Variants in KCNT2 observed in about 807,000 individuals in gnomAD.
The protein encoded by KCNT2 is potassium sodium-activated channel subfamily T member 2.
KCNT2 carries 67 observed loss-of-function variants against 153.8 expected under a neutral mutation model. The observed-to-expected ratio is 0.44, with a 90% CI of 0.36 to 0.53. KCNT2 has a LOEUF of 0.53. Ranked by LOEUF, KCNT2 falls within the 20% of genes least tolerant of loss-of-function variation. The pLI, the probability that KCNT2 is intolerant of heterozygous loss-of-function variation, is 0.00. For synonymous variants in KCNT2, 500 were observed against 458.8 expected (o/e 1.09, Z -1.15); for missense variants, 975 against 1,354.8 (o/e 0.72, Z 4.40).
chr1:196,347,346 A>G lies in KCNT2; in HGVS notation c.1404-5118T>C, dbSNP rs956122053. On this transcript the variant is annotated intron_variant, in intron 14 of 27. Transcript: ENST00000294725. ...AGACTTAATTCAAGACTGATTTTGA[A>G]TGAGGGAGAAATAATTACATAAATA... 7.9e-5 allele frequency among the ~76,000 whole-genome samples: 12 copies of G among 152,168 alleles called. No individual in the cohort carries two copies. In the South Asian group the frequency reaches 2.5e-3, roughly 31 times the overall value.
chr1:196,526,753 T>C (rs6428343), intron 1 of KCNT2, among the ~76,000 whole-genome samples: 149,674 of 152,246 alleles, frequency 0.98, 73,617 homozygotes, highest in Middle Eastern at 1. Context: ...GCCCGGCCAC[T>C]ATGTAGTTTT....
At chr1:196,244,551 G>A (rs920715094) in intron 26 of KCNT2, among the ~76,000 whole-genome samples, 14 of 152,198 alleles carry the variant, frequency 9.2e-5, no homozygotes, top group Middle Eastern at 6.8e-3. Flanking sequence ...GAACATTGAC[G>A]GTAGCCAGGT....
At chr1:196,291,855 C>T (rs1259577298) in intron 22 of KCNT2, among the ~76,000 whole-genome samples, 3 of 152,110 alleles carry the variant, frequency 2.0e-5, no homozygotes, top group Non-Finnish European at 4.4e-5. Context: ...ATTTACATTC[C>T]TTACTTCCAT....
At chr1:196,403,737 A>G (rs1048751957) in intron 12 of KCNT2, among the ~76,000 whole-genome samples, 6 of 151,628 alleles carry the variant, frequency 4.0e-5, no homozygotes, top group Admixed American at 2.0e-4. Flanking sequence ...AACAATAACA[A>G]CAAAAAGTCT....
chr1:196,284,541 C>T (rs1305625126), intron 23 of KCNT2, among the ~76,000 whole-genome samples: 2 of 151,624 alleles, frequency 1.3e-5, no homozygotes, highest in Non-Finnish European at 2.9e-5. Context: ...CATTTGGCTC[C>T]TATTGATATA....
chr1:196,593,624 C>T (rs771078400), intron 1 of KCNT2, among the ~76,000 whole-genome samples: 24 of 151,766 alleles, frequency 1.6e-4, no homozygotes, highest in Non-Finnish European at 2.4e-4. Context: ...GATTATTACA[C>T]GTTGCATGCC....
rs1211007544 is a variant in KCNT2 at position 196,341,609 on chromosome 1, G to T, written c.1553+470C>A. Among the ~76,000 whole-genome samples, 5 of 149,400 alleles carry T rather than the reference G, an allele frequency of 3.3e-5. No individual in the cohort carries two copies. In the East Asian group the frequency reaches 9.8e-4, roughly 29 times the overall value. On this transcript the variant is annotated intron_variant, in intron 15 of 27. Transcript: ENST00000294725. ...AGTAAATCCTTTTTTTTTCCAAAAA[G>T]GAAAAGAAAAAAAAAGTTCTATGTT...
chr1:196,340,444 A>C lies in KCNT2; in HGVS notation c.1680T>G (p.Asn560Lys), dbSNP rs1665507288. 8 of 1,612,556 alleles carry C rather than the reference A, an allele frequency of 5.0e-6. No homozygotes were observed. Among genetic ancestry groups the C allele is most frequent in the Non-Finnish European group, 6.8e-6 (8 of 1,179,010 alleles). The change falls in exon 16 of 28, where the codon AAT (asparagine) becomes AAG (lysine). Residue 560 changes from asparagine (N) to lysine (K), a missense_variant. Physicochemically the swap from Asn to Lys is moderately conservative, Grantham distance 94 (BLOSUM62 0). Transcript: ENST00000294725. The part of the protein sequence containing the change: ...CFYINITKEE[N>K]SAFKNQDQQR... ...GCTGGTCTTGGTTTTTAAATGCTGA[A>C]TTCTCTTCTTTGGTAATATTAATAT... is the stretch of plus-strand genomic sequence containing the variant.
chr1:196,495,229 C>A (rs181524310), intron 1 of KCNT2, among the ~76,000 whole-genome samples: 8 of 151,586 alleles, frequency 5.3e-5, no homozygotes, highest in Admixed American at 2.0e-4. Flanking sequence ...AGAAAATGTC[C>A]TTTAGGCTTA....
chr1:196,493,493 C>A (rs1680016511), intron 1 of KCNT2, among the ~76,000 whole-genome samples: 1 of 151,862 alleles, frequency 6.6e-6, no homozygotes, highest in African/African-American at 2.4e-5. Flanking sequence ...CCTGTTTATT[C>A]AAGGAAAACC....
At chr1:196,603,458 C>A (rs527831811) in intron 1 of KCNT2, among the ~76,000 whole-genome samples, 1 of 152,128 alleles carries the variant, frequency 6.6e-6, no homozygotes, top group South Asian at 2.1e-4. Flanking sequence ...CAATACAAAA[C>A]CCATTCTCAC....
chr1:196,397,547 C>G (rs923946273), intron 13 of KCNT2, among the ~76,000 whole-genome samples: 2 of 151,302 alleles, frequency 1.3e-5, no homozygotes, highest in African/African-American at 4.8e-5. Context: ...GAAATTCTTC[C>G]AAAAACATAC....
At chr1:196,532,489 A>C (rs1350530039) in intron 1 of KCNT2, among the ~76,000 whole-genome samples, 1 of 151,998 alleles carries the variant, frequency 6.6e-6, no homozygotes, top group African/African-American at 2.4e-5. Context: ...CTATATAAAC[A>C]AGAGAAAAGT....
rs572581793 is a variant in KCNT2, at chr1:196,560,322, A to G, written c.95+47893T>C. ...CACTCAAACAATGTGGTATTAAAGA[A>G]ATTAAAATGATTTTGGTGTTGTAAG... is the stretch of plus-strand genomic sequence containing the variant. On this transcript the variant is annotated intron_variant, in intron 1 of 27. Coordinates refer to ENST00000294725, the MANE Select transcript of KCNT2 (RefSeq NM_198503.5). Among the ~76,000 whole-genome samples, 4 of 152,120 alleles carry G rather than the reference A, an allele frequency of 2.6e-5. No homozygotes were observed. The South Asian group carries it at 8.3e-4, about 31-fold the overall frequency.
At chr1:196,234,614 T>TA (rs898955913) in intron 27 of KCNT2, among the ~76,000 whole-genome samples, 8 of 151,304 alleles carry the variant, frequency 5.3e-5, no homozygotes, top group South Asian at 2.1e-4. Flanking sequence ...AGAACTCTTT[T>TA]AAAAAAATCA....
chr1:196,380,577 G>A (rs1669391628), intron 13 of KCNT2, among the ~76,000 whole-genome samples: 1 of 152,058 alleles, frequency 6.6e-6, no homozygotes, highest in African/African-American at 2.4e-5. Flanking sequence ...ATCTAGTGCT[G>A]GGTTTTAATT....
intron 3 of KCNT2, among the ~76,000 whole-genome samples, chr1:196,484,110 G>GA (rs1399916572): frequency 6.6e-6 from 1 of 152,044 alleles, no homozygotes; most frequent in Non-Finnish European, 1.5e-5. Context: ...GCAATCTCTG[G>GA]AAAAAATTAT....
intron 8 of KCNT2, among the ~76,000 whole-genome samples, chr1:196,431,496 G>C (rs1591918): frequency 0.99 from 151,014 of 152,208 alleles, 74,924 homozygotes; most frequent in Middle Eastern, 1. Context: ...AAATACCGAC[G>C]GTAACGGCCT....
At chr1:196,574,116 C>T (rs1250203857) in intron 1 of KCNT2, among the ~76,000 whole-genome samples, 2 of 151,738 alleles carry the variant, frequency 1.3e-5, no homozygotes, top group Non-Finnish European at 2.9e-5. Context: ...TTCTGAGAAT[C>T]AATTATTAAT....
Sources: allele counts gnomAD v4.1 joint callset (sites outside exome capture counted in the v4.1 genomes callset), GRCh38; gene constraint gnomAD v4.1.1; transcripts MANE v1.5; gene names NCBI Gene and HGNC (gene_info 2026-07-23, HGNC 2026-07-21).